The following CLYBL variants were observed in gnomAD, a reference collection of about 807,000 sequenced individuals.
CLYBL encodes the protein citramalyl-CoA lyase, mitochondrial.
CLYBL carries 31 observed loss-of-function variants against 38.9 expected under a neutral mutation model. That is an observed-to-expected ratio of 0.80 (90% confidence interval 0.60 to 1.08). The LOEUF (loss-of-function observed/expected upper bound fraction) is 1.08, where lower values mean the gene tolerates loss of function less well. CLYBL is among the 50% of genes least tolerant of loss of function. CLYBL has a pLI of 0.00. For missense variants in CLYBL, 434 were observed against 411.6 expected (o/e 1.05, Z -0.47); for synonymous variants, 171 against 158.6 (o/e 1.08, Z -0.59).
intron 1 of CLYBL, among the ~76,000 whole-genome samples, chr13:99,761,826 C>G (rs1305871977): frequency 6.6e-6 from 1 of 152,222 alleles, no homozygotes. Context: ...TCCTCACCAG[C>G]ACTCGTTACT....
chr13:99,734,611 G>A (rs572961477), intron 1 of CLYBL, among the ~76,000 whole-genome samples: 1 of 152,142 alleles, frequency 6.6e-6, no homozygotes, highest in African/African-American at 2.4e-5. Context: ...GAGGCCTTCA[G>A]TCCTAACCAT....
At chr13:99,888,889 A>T in intron 7 of CLYBL, among the ~76,000 whole-genome samples, 1 of 152,172 alleles carries the variant, frequency 6.6e-6, no homozygotes, top group East Asian at 1.9e-4. Context: ...ATAGACCCAC[A>T]TGTTAAAAAA....
chr13:99,731,600 C>G (rs1310768456), intron 1 of CLYBL, among the ~76,000 whole-genome samples: 1 of 151,752 alleles, frequency 6.6e-6, no homozygotes, highest in Admixed American at 6.6e-5. Context: ...ACTGTTTAAG[C>G]TGTGCTAGAT....
intron 1 of CLYBL, among the ~76,000 whole-genome samples, chr13:99,644,886 A>T (rs1236946045): frequency 7.2e-5 from 11 of 152,198 alleles, no homozygotes; most frequent in Non-Finnish European, 2.9e-5. Context: ...TTCATTGTGT[A>T]TATGTACCAC....
chr13:99,651,494 C>T (rs1251104297), intron 1 of CLYBL, among the ~76,000 whole-genome samples: 4 of 152,074 alleles, frequency 2.6e-5, no homozygotes, highest in South Asian at 2.1e-4. Context: ...CGCTTGAACC[C>T]AGGAGACGGA....
chr13:99,684,479 A>G (rs1040297567), intron 1 of CLYBL, among the ~76,000 whole-genome samples: 2 of 152,168 alleles, frequency 1.3e-5, no homozygotes, highest in African/African-American at 2.4e-5. Flanking sequence ...AAAAAATTTA[A>G]ATAGAAAAGC....
chr13:99,623,353 A>G (rs957463485), intron 1 of CLYBL, among the ~76,000 whole-genome samples: 1 of 152,042 alleles, frequency 6.6e-6, no homozygotes, highest in East Asian at 1.9e-4. Flanking sequence ...TAAATGTACA[A>G]ATTGTCTAAT....
chr13:99,846,941 A>G (rs1236814939), intron 2 of CLYBL, among the ~76,000 whole-genome samples: 2 of 152,192 alleles, frequency 1.3e-5, no homozygotes, highest in African/African-American at 2.4e-5. Context: ...GGGCAGGGAA[A>G]TAAGTGTTTT....
rs71215540 is a variant in CLYBL, at chr13:99,711,403, CTT to C, written c.63-61399_63-61398del. 1.0e-3 allele frequency among the ~76,000 whole-genome samples: 87 copies of C among 83,208 alleles called. No individual in the cohort carries two copies. In the Middle Eastern group the frequency reaches 0.038, roughly 37 times the overall value. 54.6% of individuals were successfully genotyped at this position (83,208 alleles called of 152,430 possible). On this transcript the variant is annotated intron_variant, in intron 1 of 8. Transcript: ENST00000339105. The stretch of plus-strand genomic sequence containing the variant: ...TGACAGAAGGGGTGAGGGAGTCCGT[CTT>C]TTTTTTTTTTTTTTTTTTTTTGAGA...
chr13:99,699,790 G>A (rs1417959316), intron 1 of CLYBL, among the ~76,000 whole-genome samples: 1 of 151,450 alleles, frequency 6.6e-6, no homozygotes, highest in Admixed American at 6.6e-5. Flanking sequence ...TCAGGAGTTC[G>A]AGACCATCCT....
At chr13:99,788,981 A>G (rs980653991) in intron 2 of CLYBL, among the ~76,000 whole-genome samples, 1 of 152,102 alleles carries the variant, frequency 6.6e-6, no homozygotes. Flanking sequence ...TTTCTAGTTT[A>G]TTTATGTAAA....
Position 99,606,720 on chromosome 13 carries a change from G to A in CLYBL, c.25G>A (p.Ala9Thr). Reference sequence around the variant, plus strand: ...GATGGCGCTACGTCTGCTGCGGAGGGCGGCGCGCGGAGCTGCGGCGGCGGC... The same window carrying A: ...GATGGCGCTACGTCTGCTGCGGAGGACGGCGCGCGGAGCTGCGGCGGCGGC... The part of the protein sequence containing the change: MALRLLRR[A>T]ARGAAAAALL... Residue 9 changes from alanine to threonine, a missense_variant, in exon 1 of 9, where the codon GCG (alanine) becomes ACG (threonine). By Grantham distance (58) the Ala-to-Thr change is moderately conservative. Transcript: ENST00000339105. The A allele has an allele frequency of 6.7e-7, 1 of 1,492,398 alleles. No individual in the cohort carries two copies. Among genetic ancestry groups the A allele is most frequent in the Non-Finnish European group, 8.9e-7 (1 of 1,127,578 alleles). The allele number at this position is 1,492,398 out of a possible 1,614,324, so 92.4% of individuals were successfully genotyped here. A position where few individuals can be genotyped will look rare whatever the true frequency, so the allele number is the denominator to read the frequency against.
intron 1 of CLYBL, among the ~76,000 whole-genome samples, chr13:99,663,453 C>T (rs1412812942): frequency 1.3e-5 from 2 of 152,146 alleles, no homozygotes; most frequent in Non-Finnish European, 2.9e-5. Flanking sequence ...GTCTAGTGTG[C>T]CCTCACATTC....
chr13:99,736,525 G>A (rs1281612854), intron 1 of CLYBL, among the ~76,000 whole-genome samples: 2 of 151,948 alleles, frequency 1.3e-5, no homozygotes, highest in Non-Finnish European at 2.9e-5. Context: ...TAATATTTAT[G>A]CCTGGGAATC....
intron 1 of CLYBL, among the ~76,000 whole-genome samples, chr13:99,662,860 T>C (rs991810703): frequency 6.6e-6 from 1 of 152,228 alleles, no homozygotes; most frequent in Non-Finnish European, 1.5e-5. Flanking sequence ...TCCCTTGTAA[T>C]GTGGTTTGTT....
At chr13:99,770,092 T>C (rs1213462779) in intron 1 of CLYBL, among the ~76,000 whole-genome samples, 2 of 148,430 alleles carry the variant, frequency 1.3e-5, no homozygotes, top group Non-Finnish European at 3.0e-5. Context: ...TTTTTTTTTT[T>C]TTTTTGAGAT....
chr13:99,672,810 AT>A (rs551630660), intron 1 of CLYBL, among the ~76,000 whole-genome samples: 1 of 151,978 alleles, frequency 6.6e-6, no homozygotes, highest in Non-Finnish European at 1.5e-5. Flanking sequence ...ATTTTACCTC[AT>A]TTTTCTCCAC....
At chr13:99,785,351 G>C (rs144906021) in intron 2 of CLYBL, among the ~76,000 whole-genome samples, 1,727 of 151,354 alleles carry the variant, frequency 0.011, 22 homozygotes, top group East Asian at 0.077. Flanking sequence ...TGGGACCACA[G>C]GTGTGTGCCA....
At chr13:99,703,234 A>G (rs1594128500) in intron 1 of CLYBL, among the ~76,000 whole-genome samples, 1 of 152,246 alleles carries the variant, frequency 6.6e-6, no homozygotes, top group Non-Finnish European at 1.5e-5. Context: ...GCAGGCGATC[A>G]GTTGGGGCCA....
Sources: allele counts gnomAD v4.1 joint callset (sites outside exome capture counted in the v4.1 genomes callset), GRCh38; gene constraint gnomAD v4.1.1; transcripts MANE v1.5; gene names NCBI Gene and HGNC (gene_info 2026-07-23, HGNC 2026-07-21).